Variants in CHRM2 observed in about 807,000 individuals in gnomAD.
The protein encoded by CHRM2 is muscarinic acetylcholine receptor M2.
In CHRM2, 8 loss-of-function variants were observed where a neutral mutation model predicts 25.0. The observed-to-expected ratio is 0.32, with a 90% CI of 0.19 to 0.58. The LOEUF (loss-of-function observed/expected upper bound fraction) is 0.58. Ranked by LOEUF, CHRM2 falls within the 20% of genes least tolerant of loss-of-function variation. The pLI, the probability that CHRM2 is intolerant of heterozygous loss-of-function variation, is 0.88. For missense variants in CHRM2, 440 were observed against 567.1 expected (o/e 0.78, Z 2.28); for synonymous variants, 202 against 205.7 (o/e 0.98, Z 0.15).
chr7:136,932,709 A>C (rs1403812848), intron 2 of CHRM2, among the ~76,000 whole-genome samples: 1 of 152,224 alleles, frequency 6.6e-6, no homozygotes, highest in Non-Finnish European at 1.5e-5. Context: ...ACCTTGAGTT[A>C]GTCTGATTTA....
At chr7:136,886,619 C>T (rs1452629769) in intron 2 of CHRM2, among the ~76,000 whole-genome samples, 1 of 152,080 alleles carries the variant, frequency 6.6e-6, no homozygotes, top group African/African-American at 2.4e-5. Flanking sequence ...GTAATCCCAG[C>T]ACTTTGGGAG....
chr7:136,934,402 T>A (rs1456514959), intron 2 of CHRM2, among the ~76,000 whole-genome samples: 1 of 152,110 alleles, frequency 6.6e-6, no homozygotes, highest in African/African-American at 2.4e-5. Flanking sequence ...ATGACTAAAA[T>A]TATTTTCTAG....
intron 2 of CHRM2, among the ~76,000 whole-genome samples, chr7:136,963,598 T>C (rs1801229404): frequency 6.6e-6 from 1 of 152,164 alleles, no homozygotes; most frequent in African/African-American, 2.4e-5. Context: ...TATTCTCTAT[T>C]CAAGGCGCAC....
chr7:136,958,467 T>TTTTTG, intron 2 of CHRM2, among the ~76,000 whole-genome samples: 1 of 150,258 alleles, frequency 6.7e-6, no homozygotes, highest in East Asian at 1.9e-4. Flanking sequence ...TTTTTTTTTT[T>TTTTTG]TTTTCTGAGA....
At chr7:136,871,477 G>A (rs1165820452) in intron 2 of CHRM2, 1 of 152,740 alleles carries the variant, frequency 6.5e-6, no homozygotes, top group Non-Finnish European at 1.5e-5. Context: ...CTCCCAATGA[G>A]AGGGCTCTCA....
chr7:137,011,468 C>T (rs754619872), intron 3 of CHRM2, among the ~76,000 whole-genome samples: 4 of 151,824 alleles, frequency 2.6e-5, no homozygotes, highest in East Asian at 2.0e-4. Context: ...TGTCCAAGAC[C>T]GCAGAAGAAA....
chr7:136,998,811 GATGAAAC>G (rs948392057), intron 3 of CHRM2, among the ~76,000 whole-genome samples: 20 of 152,004 alleles, frequency 1.3e-4, no homozygotes, highest in African/African-American at 4.6e-4. Flanking sequence ...TTATTTTTGA[GATGAAAC>G]ATATTCTAAA....
rs185663938 is a variant in CHRM2 at position 136,951,185 on chromosome 7, G to T, written c.-124-41002G>T. ...TAAGACCATGTGGAATATCCAGCTC[G>T]AATGGTTCTTGTTACTTCAGCTTCA... On this transcript the variant is annotated intron_variant, in intron 2 of 3. Coordinates refer to ENST00000680005, the MANE Select transcript of CHRM2 (RefSeq NM_001006630.2). 10 of 152,208 alleles carry T rather than the reference G, an allele frequency of 6.6e-5. No homozygotes were observed. The East Asian group carries it at 1.7e-3, about 27-fold the overall frequency. 9.4% of individuals were successfully genotyped at this position (152,208 alleles called of 1,614,324 possible).
At chr7:137,000,547 A>AAGGAAGGAAAGAAG (rs1554434051) in intron 3 of CHRM2, among the ~76,000 whole-genome samples, 1 of 95,174 alleles carries the variant, frequency 1.1e-5, no homozygotes, top group Admixed American at 1.2e-4. Flanking sequence ...AAAGAAAGAA[A>AAGGAAGGAAAGAAG]GAAGGAAGGA....
chr7:137,003,870 G>T (rs757929674), intron 3 of CHRM2, among the ~76,000 whole-genome samples: 2 of 152,088 alleles, frequency 1.3e-5, no homozygotes, highest in Non-Finnish European at 2.9e-5. Context: ...GTGATAGCCA[G>T]TGAGTTCTCA....
intron 2 of CHRM2, among the ~76,000 whole-genome samples, chr7:136,901,208 G>A (rs763159825): frequency 7.2e-5 from 11 of 151,958 alleles, no homozygotes; most frequent in Non-Finnish European, 1.6e-4. Flanking sequence ...CAAGATCCAG[G>A]CATGTGAGAA....
chr7:136,882,261 T>C (rs1407802765), intron 2 of CHRM2, among the ~76,000 whole-genome samples: 1 of 152,080 alleles, frequency 6.6e-6, no homozygotes, highest in African/African-American at 2.4e-5. Context: ...CTTACACTCA[T>C]ACGTTATATT....
rs555858232 is a variant in CHRM2 at position 136,957,843 on chromosome 7, C to T, written c.-124-34344C>T. Among the ~76,000 whole-genome samples, 18 of 152,222 alleles carry T rather than the reference C, an allele frequency of 1.2e-4. 1 individual carries two copies. In the South Asian group the frequency reaches 3.5e-3, roughly 30 times the overall value. On this transcript the variant is annotated intron_variant, in intron 2 of 3. Coordinates refer to ENST00000680005, the MANE Select transcript of CHRM2 (RefSeq NM_001006630.2). ...AAAACATAAAACTTTTTATTGAAGC[C>T]ACATCTATAATTAGTCAAAACGTTT...
chr7:136,968,681 C>T (rs1471414441), intron 2 of CHRM2, among the ~76,000 whole-genome samples: 1 of 144,606 alleles, frequency 6.9e-6, no homozygotes, highest in East Asian at 2.0e-4. Context: ...ATTGTATATA[C>T]CATATGTATA....
Position 136,890,329 on chromosome 7 carries a change from G to A in CHRM2, c.-125+20911G>A, listed in dbSNP as rs551361044. Among the ~76,000 whole-genome samples, 69 of 152,288 alleles carry A rather than the reference G, an allele frequency of 4.5e-4. 2 individuals carry two copies. Among genetic ancestry groups the A allele is most frequent in the South Asian group, 3.5e-3 (17 of 4,816 alleles). ...TGTCACTAACCCAAAGCATTGCACC[G>A]CTGTGTGTGTACTGCTAAGAAAAAC... On this transcript the variant is annotated intron_variant, in intron 2 of 3. Transcript: ENST00000680005.
At chr7:136,901,535 G>A (rs192784900) in intron 2 of CHRM2, among the ~76,000 whole-genome samples, 3 of 151,922 alleles carry the variant, frequency 2.0e-5, no homozygotes, top group African/African-American at 7.2e-5. Flanking sequence ...GATCTCACCC[G>A]ATCTTGTAGT....
chr7:136,893,446 T>C (rs1584707735), intron 2 of CHRM2, among the ~76,000 whole-genome samples: 2 of 152,334 alleles, frequency 1.3e-5, no homozygotes, highest in East Asian at 3.9e-4. Context: ...TACAAATTCT[T>C]TCTTTCCTTT....
intron 2 of CHRM2, chr7:136,871,613 T>C (rs534112919): frequency 2.0e-5 from 3 of 149,686 alleles, no homozygotes; most frequent in South Asian, 4.2e-4. Context: ...TGCATTTTCA[T>C]TGATAAGAAA....
chr7:136,996,847 C>T (rs1803637645), intron 3 of CHRM2, among the ~76,000 whole-genome samples: 1 of 152,200 alleles, frequency 6.6e-6, no homozygotes, highest in Non-Finnish European at 1.5e-5. Context: ...TGTGAGCCTA[C>T]AGGCCAAAGC....
Sources: gnomAD v4.1 joint callset for allele counts (sites outside exome capture counted in the v4.1 genomes callset) on GRCh38, gnomAD v4.1.1 for gene constraint, MANE v1.5 for transcripts, NCBI Gene and HGNC (gene_info 2026-07-23, HGNC 2026-07-21) for gene names.